ITGB1: variants seen among roughly 807,000 people sequenced by gnomAD.
ITGB1 encodes integrin beta-1.
Under a neutral mutation model 86.5 loss-of-function variants are expected in ITGB1, and 24 were observed. The ratio of observed to expected loss-of-function variants is 0.28; its 90% CI spans 0.20 to 0.39. The LOEUF (loss-of-function observed/expected upper bound fraction) is 0.39. ITGB1 is among the 10% of genes least tolerant of loss of function. The pLI is 1.00. For missense variants in ITGB1, 556 were observed against 946.9 expected, an observed-to-expected ratio of 0.59 and a Z score of 5.42; for synonymous variants, 323 against 316.8, an observed-to-expected ratio of 1.02 and a Z score of -0.21.
At chr10:32,933,902 T>C (rs1296729114) in intron 2 of ITGB1, among the ~76,000 whole-genome samples, 2 of 152,146 alleles carry the variant, frequency 1.3e-5, no homozygotes, top group Non-Finnish European at 1.5e-5. Flanking sequence ...TGTACTCTAT[T>C]TAATGCTGGA....
chr10:32,949,450 T>C (rs1331836916), intron 1 of ITGB1, among the ~76,000 whole-genome samples: 2 of 152,244 alleles, frequency 1.3e-5, no homozygotes, highest in Non-Finnish European at 2.9e-5. Context: ...TAATGTTCTA[T>C]GAGTTTATTT....
At chr10:32,907,202 T>C in intron 15 of ITGB1, 1 of 637,812 alleles carries the variant, frequency 1.6e-6, no homozygotes, top group East Asian at 5.5e-5. Flanking sequence ...CCCTTTATAG[T>C]GTTTGAACAC....
intron 1 of ITGB1, among the ~76,000 whole-genome samples, chr10:32,943,993 C>A (rs2095025174): frequency 6.6e-6 from 1 of 152,208 alleles, no homozygotes; most frequent in Non-Finnish European, 1.5e-5. Context: ...ATTAACTCCA[C>A]TAACACTTCT....
At position 32,929,655 on chromosome 10, in the gene ITGB1, T is replaced by G. The variant is rs370797473; in HGVS notation, c.376+167A>C. Among the ~76,000 whole-genome samples the G allele has an allele frequency of 1.2e-4, 18 of 152,352 alleles. No homozygotes were observed. In the South Asian group the frequency reaches 3.7e-3, roughly 32 times the overall value. Reference sequence around the variant, plus strand: ...TATTCCAAGTAAATATGTCTTACAATTGTTATATCTGCAAAAATTTTCTAA... The same window carrying G: ...TATTCCAAGTAAATATGTCTTACAAGTGTTATATCTGCAAAAATTTTCTAA... On this transcript the variant is annotated intron_variant, in intron 4 of 15. Transcript: ENST00000302278.
intron 14 of ITGB1, 83 bp from the exon 15 acceptor site, chr10:32,908,617 A>T (rs2094903897): frequency 4.3e-6 from 5 of 1,163,402 alleles, no homozygotes; most frequent in Non-Finnish European, 6.2e-6. Flanking sequence ...AACACCCAAG[A>T]GAGTGAACGC....
In ITGB1 at chr10:32,900,374, T is replaced by C. The variant is rs1211121530; in HGVS notation, c.*1196A>G. ...ATTTCATGCACACAACCTGATAAAA[T>C]ACATCAGAGTCAAGACATCCGATTT... On this transcript the variant is annotated 3_prime_UTR_variant, in exon 16 of 16. Coordinates refer to ENST00000302278, the MANE Select transcript of ITGB1 (RefSeq NM_002211.4). The C allele has an allele frequency of 6.6e-6, 1 of 152,600 alleles. No homozygotes were observed. Among genetic ancestry groups the C allele is most frequent in the Non-Finnish European group, 1.5e-5 (1 of 68,006 alleles). The allele number at this position is 152,600 out of a possible 1,614,324, so 9.5% of individuals were successfully genotyped here. A position where few individuals can be genotyped will look rare whatever the true frequency, so the allele number is the denominator to read the frequency against.
At chr10:32,926,845 C>T (rs2094966612) in intron 5 of ITGB1, among the ~76,000 whole-genome samples, 1 of 152,174 alleles carries the variant, frequency 6.6e-6, no homozygotes, top group Non-Finnish European at 1.5e-5. Context: ...TCTATGAACC[C>T]AGAAGAGGGA....
chr10:32,918,241 G>A (rs752766863), intron 11 of ITGB1, among the ~76,000 whole-genome samples: 39 of 152,084 alleles, frequency 2.6e-4, no homozygotes, highest in Non-Finnish European at 3.8e-4. Flanking sequence ...TATACCTAAT[G>A]TAAATGACGA....
chr10:32,926,100 G>A lies in ITGB1; in HGVS notation c.557C>T (p.Ser186Leu). The A allele has an allele frequency of 1.2e-6, 2 of 1,612,686 alleles. No homozygotes were observed. Among genetic ancestry groups the A allele is most frequent in the Non-Finnish European group, 1.7e-6 (2 of 1,178,954 alleles). The part of the protein sequence containing the change: ...ITSDFRIGFG[S>L]FVEKTVMPYI... Reference sequence around the variant, plus strand: ...AGGCATCACAGTCTTTTCCACAAATGAGCCAAATCCTGCCAAGAAAAAAAT... The same window carrying A: ...AGGCATCACAGTCTTTTCCACAAATAAGCCAAATCCTGCCAAGAAAAAAAT... Residue 186 changes from serine to leucine, a missense_variant, in exon 6 of 16, where the codon TCA (serine) becomes TTA (leucine). Around this residue, in one of 4 missense-constraint regions of ITGB1, gnomAD observed 183 missense variants for 263.9 expected, o/e 0.69. Coordinates refer to ENST00000302278, the MANE Select transcript of ITGB1 (RefSeq NM_002211.4).
chr10:32,922,524 T>G, intron 8 of ITGB1, 116 bp downstream of exon 8: 2 of 776,276 alleles, frequency 2.6e-6, no homozygotes, highest in Non-Finnish European at 4.2e-6. Context: ...TAAACCACTT[T>G]TGTAAAATTC....
intron 5 of ITGB1, among the ~76,000 whole-genome samples, chr10:32,926,884 C>T (rs1200818707): frequency 6.6e-6 from 1 of 152,064 alleles, no homozygotes; most frequent in Non-Finnish European, 1.5e-5. Context: ...CTGCCTGGAT[C>T]TTGGACTTCT....
At chr10:32,953,649 G>T (rs2095046951) in intron 1 of ITGB1, 1 of 152,128 alleles carries the variant, frequency 6.6e-6, no homozygotes, top group East Asian at 1.9e-4. Flanking sequence ...AAACATGCAG[G>T]CTGCTTTATA....
chr10:32,930,574 A>G lies in ITGB1; in HGVS notation c.154-530T>C, dbSNP rs146084909. On this transcript the variant is annotated intron_variant, in intron 3 of 15. Coordinates refer to ENST00000302278, the MANE Select transcript of ITGB1 (RefSeq NM_002211.4). ...CAACACGAAATTTAGCACCGATTAA[A>G]TAAGTATTCCCACAGGTTTGAAAAA... Among the ~76,000 whole-genome samples, 267 of 152,320 alleles carry G rather than the reference A, an allele frequency of 1.8e-3. 3 individuals carry two copies. In the East Asian group the frequency reaches 0.023, roughly 13 times the overall value.
rs201228879 is a variant in ITGB1, at chr10:32,920,002, G to A, written c.1352C>T (p.Thr451Met). ...CTGAAGAATAACCTCTACTTCCTCC[G>A]TAAAGCCCAGAGGCCTAATTTTAAA... Reference protein sequence around the residue: ...DSFKIRPLGFTEEVEVILQYI... With the variant: ...DSFKIRPLGFMEEVEVILQYI... The change falls in exon 11 of 16, where the codon ACG becomes ATG. Residue 451 changes from threonine (T) to methionine (M), a missense_variant. By Grantham distance (81) the Thr-to-Met change is moderately conservative. Coordinates refer to ENST00000302278, the MANE Select transcript of ITGB1 (RefSeq NM_002211.4). 24 of 1,613,626 alleles carry A rather than the reference G, an allele frequency of 1.5e-5. No individual in the cohort carries two copies. Among genetic ancestry groups the A allele is most frequent in the Non-Finnish European group, 1.9e-5 (22 of 1,179,810 alleles).
At chr10:32,958,032 C>A (rs1336678165) in intron 1 of ITGB1, 113 bp downstream of exon 1, 21 of 151,592 alleles carry the variant, frequency 1.4e-4, no homozygotes, top group Non-Finnish European at 3.1e-4. Flanking sequence ...CCCACCCCCA[C>A]GCCCGGCACA....
chr10:32,932,769 A>ATT (rs1195772517), intron 2 of ITGB1, 169 bp from the exon 3 acceptor site: 1 of 525,304 alleles, frequency 1.9e-6, no homozygotes, highest in East Asian at 3.4e-5. Flanking sequence ...TTTTAATTTA[A>ATT]TTTTTAATTT....
rs2094952600 is a variant in ITGB1 at position 32,922,308 on chromosome 10, T to C, written c.1077A>G (p.Thr359=). 2 of 1,610,024 alleles carry C rather than the reference T, an allele frequency of 1.2e-6. No homozygotes were observed. The highest frequency in any genetic ancestry group is 1.3e-5 in the African/African-American group (1 of 74,764). Residue 359 remains threonine, a synonymous_variant, in exon 9 of 16, where the codon ACA becomes ACG. Transcript: ENST00000302278. ...TTACATTGCTAGAATTTGCAGATAA[T>C]GTTCCTACTGCTGACTTAGGGATCA... ...KNLIPKSAVG[T]LSANSSNVIQ...
intron 13 of ITGB1, among the ~76,000 whole-genome samples, chr10:32,910,892 CCAT>C (rs2094911349): frequency 6.6e-6 from 1 of 152,056 alleles, no homozygotes; most frequent in Non-Finnish European, 1.5e-5. Context: ...GCACACACCA[CCAT>C]ATCTGGCTAA....
chr10:32,912,561 A>G (rs2094916824), intron 11 of ITGB1, among the ~76,000 whole-genome samples: 1 of 152,192 alleles, frequency 6.6e-6, no homozygotes, highest in South Asian at 2.1e-4. Flanking sequence ...AGCCTCGCTC[A>G]CTGCTAGCAC....
Sources: gnomAD v4.1 joint callset for allele counts (sites outside exome capture counted in the v4.1 genomes callset) on GRCh38, gnomAD v4.1.1 for gene constraint, gnomAD v4.1.1 regional missense constraint, MANE v1.5 for transcripts, NCBI Gene and HGNC (gene_info 2026-07-23, HGNC 2026-07-21) for gene names.